Variants in NEXMIF observed in about 807,000 individuals in gnomAD.
NEXMIF encodes neurite extension and migration factor, also known as XLMR protein related to neurite extension.
A neutral mutation model predicts 62.1 loss-of-function variants in NEXMIF; 8 were observed. That is an observed-to-expected ratio of 0.13 (90% CI 0.08 to 0.23). The LOEUF (loss-of-function observed/expected upper bound fraction) is 0.23, where lower values mean the gene tolerates loss of function less well. NEXMIF is among the 10% of genes least tolerant of loss of function. NEXMIF has a pLI of 1.00. For missense variants in NEXMIF, 976 were observed against 1,113.3 expected, an observed-to-expected ratio of 0.88 and a Z score of 1.75; for synonymous variants, 404 against 416.6, an observed-to-expected ratio of 0.97 and a Z score of 0.37.
chrX:74,895,623 G>A (rs1427660282), intron 1 of NEXMIF, among the ~76,000 whole-genome samples: 1 of 111,204 alleles, frequency 9.0e-6, no homozygotes, highest in African/African-American at 3.3e-5. Flanking sequence ...ATAGACCAAT[G>A]GAACAGAATA....
intron 1 of NEXMIF, among the ~76,000 whole-genome samples, chrX:74,748,627 T>C (rs1477350927): frequency 1.8e-5 from 2 of 112,242 alleles, no homozygotes; most frequent in African/African-American, 3.2e-5. Flanking sequence ...TGTAATGGCA[T>C]TAAAATAACA....
At position 74,914,119 on chromosome X, in the gene NEXMIF, G is replaced by A. The variant is rs775706576; in HGVS notation, c.-48+10764C>T. Among the ~76,000 whole-genome samples, 7 of 111,456 alleles carry A rather than the reference G, an allele frequency of 6.3e-5. No individual in the cohort carries two copies. The South Asian group carries it at 1.1e-3, about 18-fold the overall frequency. ...GAGAAAGTAAGGCAATTATAAGTGG[G>A]GAAGGTTAAAGGAACTTAAAGAGGG... On this transcript the variant is annotated intron_variant, in intron 1 of 3. Coordinates refer to ENST00000055682, the MANE Select transcript of NEXMIF (RefSeq NM_001008537.3).
At chrX:74,783,572 TGAG>T (rs757799065) in intron 1 of NEXMIF, among the ~76,000 whole-genome samples, 21 of 111,503 alleles carry the variant, frequency 1.9e-4, no homozygotes, top group Non-Finnish European at 9.4e-5. Flanking sequence ...AGGGTCAATT[TGAG>T]GAGAACCATT....
At chrX:74,836,490 T>C (rs1028114422) in intron 1 of NEXMIF, among the ~76,000 whole-genome samples, 6 of 111,438 alleles carry the variant, frequency 5.4e-5, no homozygotes, top group Admixed American at 2.8e-4. Flanking sequence ...AAGAGCTCTT[T>C]AGTTAGCAGG....
chrX:74,785,029 G>C (rs1195631600), intron 1 of NEXMIF, among the ~76,000 whole-genome samples: 1 of 111,482 alleles, frequency 9.0e-6, no homozygotes, highest in Non-Finnish European at 1.9e-5. Context: ...CAACCTGTGT[G>C]ACTCTATTGG....
At chrX:74,802,984 C>T (rs1311516316) in intron 1 of NEXMIF, among the ~76,000 whole-genome samples, 1 of 109,088 alleles carries the variant, frequency 9.2e-6, no homozygotes, top group African/African-American at 3.3e-5. Context: ...TTTGTGAGCT[C>T]GAAGACAGGC....
intron 1 of NEXMIF, among the ~76,000 whole-genome samples, chrX:74,872,507 C>G (rs988139991): frequency 3.7e-5 from 4 of 109,104 alleles, no homozygotes; most frequent in Non-Finnish European, 7.6e-5. Context: ...ATGAATAAGA[C>G]CTAGTATTTG....
intron 1 of NEXMIF, among the ~76,000 whole-genome samples, chrX:74,889,667 G>C (rs1350409975): frequency 2.9e-5 from 3 of 101,916 alleles, no homozygotes; most frequent in African/African-American, 1.2e-4. Context: ...GGCATATCTA[G>C]TTATGGGCTC....
rs1170058099 is a variant in NEXMIF at position 74,792,984 on chromosome X, T to C, written c.-47-47287A>G. Among the ~76,000 whole-genome samples the C allele has an allele frequency of 1.9e-3, 211 of 108,698 alleles. 2 individuals carry two copies. The highest frequency in any genetic ancestry group is 0.017 in the Admixed American group (167 of 10,115). The allele number at this position is 108,698 out of a possible 115,157, so 94.4% of individuals were successfully genotyped here. Reference sequence around the variant, plus strand: ...CATTTAGTCCATTTACGTTTAAAGTTAATATTGTTATGTGTGAATTTGATC... The same window carrying C: ...CATTTAGTCCATTTACGTTTAAAGTCAATATTGTTATGTGTGAATTTGATC... On this transcript the variant is annotated intron_variant, in intron 1 of 3. Transcript: ENST00000055682.
intron 1 of NEXMIF, among the ~76,000 whole-genome samples, chrX:74,838,952 T>A (rs2080465696): frequency 8.9e-6 from 1 of 112,002 alleles, no homozygotes; most frequent in African/African-American, 3.2e-5. Flanking sequence ...AGTCCTTACT[T>A]AGGATATAAA....
At chrX:74,796,190 T>TTATATATGCATATATATTA (rs2080308189) in intron 1 of NEXMIF, among the ~76,000 whole-genome samples, 1 of 56,697 alleles carries the variant, frequency 1.8e-5, no homozygotes, top group Non-Finnish European at 3.3e-5. Context: ...TACATATATA[T>TTATATATGCATATATATTA]TATATATATA....
At chrX:74,749,100 A>T (rs2080134064) in intron 1 of NEXMIF, among the ~76,000 whole-genome samples, 1 of 111,584 alleles carries the variant, frequency 9.0e-6, no homozygotes, top group Admixed American at 9.5e-5. Context: ...CTACAAACAA[A>T]TTGTAAGTAT....
rs142262966 is a variant in NEXMIF at position 74,800,915 on chromosome X, C to T, written c.-47-55218G>A. 1.1e-3 allele frequency among the ~76,000 whole-genome samples: 126 copies of T among 111,144 alleles called. 1 individual carries two copies. The East Asian group carries it at 0.031, about 27-fold the overall frequency. On this transcript the variant is annotated intron_variant, in intron 1 of 3. Coordinates refer to ENST00000055682, the MANE Select transcript of NEXMIF (RefSeq NM_001008537.3). The stretch of plus-strand genomic sequence containing the variant: ...GTATAATGATATGTATCCACTATTA[C>T]AGCATCATACAGAATAGTTACACTG...
At chrX:74,838,547 G>C (rs2080464265) in intron 1 of NEXMIF, among the ~76,000 whole-genome samples, 1 of 112,545 alleles carries the variant, frequency 8.9e-6, no homozygotes, top group Admixed American at 9.4e-5. Context: ...TCATCAACCA[G>C]TTTGCCAATG....
chrX:74,922,347 T>C (rs1296215148), intron 1 of NEXMIF, among the ~76,000 whole-genome samples: 1 of 110,535 alleles, frequency 9.0e-6, no homozygotes, highest in Non-Finnish European at 1.9e-5. Context: ...GGTGTGTGTG[T>C]GTGTGTGTGT....
At chrX:74,739,726 AC>A (rs1192919808) in intron 3 of NEXMIF, among the ~76,000 whole-genome samples, 1 of 110,328 alleles carries the variant, frequency 9.1e-6, no homozygotes, top group African/African-American at 3.3e-5. Context: ...TGTCTACATG[AC>A]TTTTAAATTC....
chrX:74,796,953 T>A (rs1382459359), intron 1 of NEXMIF, among the ~76,000 whole-genome samples: 3 of 111,984 alleles, frequency 2.7e-5, no homozygotes, highest in African/African-American at 9.7e-5. Flanking sequence ...AAACACAACC[T>A]TAACCAAATG....
chrX:74,822,432 C>A (rs2080400181), intron 1 of NEXMIF, among the ~76,000 whole-genome samples: 1 of 111,981 alleles, frequency 8.9e-6, no homozygotes, highest in African/African-American at 3.2e-5. Context: ...CTGCAAAAGA[C>A]ACCACCAAAA....
intron 1 of NEXMIF, among the ~76,000 whole-genome samples, chrX:74,768,842 T>C (rs769265099): frequency 8.9e-6 from 1 of 111,964 alleles, no homozygotes; most frequent in African/African-American, 3.2e-5. Context: ...GCAAAGCTAA[T>C]AAAACTGGGT....
Sources: gnomAD v4.1 joint callset for allele counts (sites outside exome capture counted in the v4.1 genomes callset) on GRCh38, gnomAD v4.1.1 for gene constraint, MANE v1.5 for transcripts, NCBI Gene and HGNC (gene_info 2026-07-23, HGNC 2026-07-21) for gene names.